Variants in MVD observed in about 807,000 individuals in gnomAD.
MVD encodes diphosphomevalonate decarboxylase.
Under a neutral mutation model 42.4 loss-of-function variants are expected in MVD, and 52 were observed. That is an observed-to-expected ratio of 1.23 (90% CI 0.98 to 1.55). The LOEUF is 1.55. Ranked by LOEUF, MVD falls within the 40% of genes most tolerant of loss-of-function variation. MVD has a pLI of 0.00. For missense variants in MVD, 663 were observed against 572.1 expected (o/e 1.16, Z -1.62); for synonymous variants, 287 against 243.2 (o/e 1.18, Z -1.68).
intron 5 of MVD, 156 bp from the exon 6 acceptor site, chr16:88,655,886 G>C: frequency 1.8e-6 from 2 of 1,105,282 alleles, no homozygotes; most frequent in Non-Finnish European, 2.5e-6. Flanking sequence ...GCCACAGCAG[G>C]GGTGACGCAG....
chr16:88,657,632 G>A (rs373394248), intron 3 of MVD, 50 bp from the exon 4 acceptor site: 61 of 1,591,950 alleles, frequency 3.8e-5, no homozygotes, highest in African/African-American at 3.7e-4. Flanking sequence ...CACCCTGCCC[G>A]CCCTGCTCCT....
rs759256589 is a variant in MVD, at chr16:88,657,542, C to T, written c.297G>A (p.Gly99=). ...AGCTGAGGCTGGAGGGCAGCGGGTCCCCATCCCGTGAGTTCCTCCGCTTCC... is the reference window on the plus strand; with the variant it reads ...AGCTGAGGCTGGAGGGCAGCGGGTCTCCATCCCGTGAGTTCCTCCGCTTCC... ...LARKRRNSRD[G]DPLPSSLSCK... The change falls in exon 4 of 10, where the codon GGG becomes GGA. Residue 99 remains glycine, a synonymous_variant. Transcript: ENST00000301012. The T allele has an allele frequency of 6.2e-7, 1 of 1,612,804 alleles. No homozygotes were observed. The highest frequency in any genetic ancestry group is 8.5e-7 in the Non-Finnish European group (1 of 1,179,916).
intron 1 of MVD, 196 bp downstream of exon 1, chr16:88,662,815 T>C (rs1399608586): frequency 4.1e-6 from 6 of 1,467,996 alleles, no homozygotes; most frequent in Non-Finnish European, 4.5e-6. Flanking sequence ...GGGGAACGGG[T>C]GGCGCCGAGC....
At position 88,653,194 on chromosome 16, in the gene MVD, G is replaced by A. The variant is rs79171831; in HGVS notation, c.1122+106C>T. The A allele has an allele frequency of 3.0e-3, 2,460 of 832,058 alleles. 39 individuals are homozygous for A. The African/African-American group carries it at 0.038, about 13-fold the overall frequency. 51.5% of individuals were successfully genotyped at this position (832,058 alleles called of 1,614,324 possible). ...CGTTCTGGCTTCCTGCCTGAGACACGGTAGGGACAGGGAGCCGCGCTTAGC... is the reference window on the plus strand; with the variant it reads ...CGTTCTGGCTTCCTGCCTGAGACACAGTAGGGACAGGGAGCCGCGCTTAGC... On this transcript the variant is annotated intron_variant, in intron 9 of 9. Coordinates refer to ENST00000301012, the MANE Select transcript of MVD (RefSeq NM_002461.3).
At chr16:88,658,112 T>A in intron 2 of MVD, 83 bp from the exon 3 acceptor site, 1 of 1,381,658 alleles carries the variant, frequency 7.2e-7, no homozygotes, top group Non-Finnish European at 1.0e-6. Flanking sequence ...TGAGAGAGCC[T>A]CATGGCTGCC....
At chr16:88,655,092 G>A (rs1015557581) in intron 7 of MVD, 107 bp downstream of exon 7, 1 of 1,306,536 alleles carries the variant, frequency 7.7e-7, no homozygotes, top group African/African-American at 1.5e-5. Context: ...GGAGCTTTCA[G>A]ACACAGATTG....
intron 1 of MVD, 56 bp downstream of exon 1, chr16:88,662,955 G>C: frequency 6.4e-7 from 1 of 1,561,086 alleles, no homozygotes; most frequent in East Asian, 2.4e-5. Flanking sequence ...CGCGACCCCC[G>C]CGTACCCGGC....
At chr16:88,658,746 C>A in intron 1 of MVD, 26 bp from the exon 2 acceptor site, 1 of 1,593,236 alleles carries the variant, frequency 6.3e-7, no homozygotes. Context: ...AGGGCCAGGC[C>A]GGTGGGCTTC....
At position 88,655,392 on chromosome 16, in the gene MVD, G is replaced by A. The variant is rs780429715; in HGVS notation, c.704C>T (p.Ala235Val). The change falls in exon 7 of 10, where the codon GCG becomes GTG. Residue 235 changes from alanine to valine, a missense_variant. Transcript: ENST00000301012. ...GCAGCGGGCCATCTCCGCCATGCGC[G>A]CGGGCACCACGGACTCGGCCCGGAA... ...LRFRAESVVP[A>V]RMAEMARCIR... 26 of 1,589,326 alleles carry A rather than the reference G, an allele frequency of 1.6e-5. No individual in the cohort carries two copies. The highest frequency in any genetic ancestry group is 1.6e-4 in the East Asian group (7 of 43,772).
intron 6 of MVD, 24 bp downstream of exon 6, chr16:88,655,632 G>A (rs748402883): frequency 1.2e-5 from 18 of 1,547,850 alleles, no homozygotes; most frequent in South Asian, 4.8e-5. Flanking sequence ...CCAGGGCCCC[G>A]GGACCACCCG....
intron 3 of MVD, 90 bp downstream of exon 3, chr16:88,657,825 T>G: frequency 7.1e-7 from 1 of 1,407,248 alleles, no homozygotes; most frequent in Non-Finnish European, 9.9e-7. Flanking sequence ...GCCTGCTGCC[T>G]CAGGAGGGGC....
At chr16:88,653,554 G>A (rs561659529) in intron 8 of MVD, 146 bp from the exon 9 acceptor site, 13 of 644,214 alleles carry the variant, frequency 2.0e-5, no homozygotes, top group Admixed American at 6.8e-5. Flanking sequence ...CTGCTGTGGG[G>A]ACAGGTTTCT....
Position 88,652,520 on chromosome 16 carries a change from G to C in MVD, c.*5C>G. The C allele has an allele frequency of 6.4e-7, 1 of 1,567,024 alleles. No homozygotes were observed. ...CCAAGCGGCATGCGGTCCCTGCTGA[G>C]GCAGTCAGGCAGCTGGCTTCGGCAG... On this transcript the variant is annotated 3_prime_UTR_variant, in exon 10 of 10. Transcript: ENST00000301012.
chr16:88,656,562 C>T, intron 4 of MVD: 2 of 570,866 alleles, frequency 3.5e-6, no homozygotes, highest in Non-Finnish European at 6.3e-6. Flanking sequence ...CAAAAGGTAC[C>T]TGCGGCAGAG....
At chr16:88,659,390 C>T (rs28491338) in intron 1 of MVD, 135,892 of 152,364 alleles carry the variant, frequency 0.89, 61,273 homozygotes, top group Non-Finnish European at 0.95. Flanking sequence ...TGAGCGGCCC[C>T]CCTTGCAGGC....
rs1453891096 is a variant in MVD at position 88,652,180 on chromosome 16, C to G, written c.*345G>C. On this transcript the variant is annotated 3_prime_UTR_variant, in exon 10 of 10. Coordinates refer to ENST00000301012, the MANE Select transcript of MVD (RefSeq NM_002461.3). ...CCCTGGTCCGCTGGAGGGACCACCTCCCCACTGAGCTCCTTTCTCAGAGAA... is the reference window on the plus strand; with the variant it reads ...CCCTGGTCCGCTGGAGGGACCACCTGCCCACTGAGCTCCTTTCTCAGAGAA... 1.3e-4 allele frequency: 57 copies of G among 424,410 alleles called. No individual in the cohort carries two copies. The highest frequency in any genetic ancestry group is 1.4e-4 in the Non-Finnish European group (33 of 228,370). The allele number at this position is 424,410 out of a possible 1,614,324, so 26.3% of individuals were successfully genotyped here.
At chr16:88,652,990 C>T (rs1217200862) in intron 9 of MVD, among the ~76,000 whole-genome samples, 1 of 151,950 alleles carries the variant, frequency 6.6e-6, no homozygotes, top group Non-Finnish European at 1.5e-5. Flanking sequence ...GTGGGGGGGT[C>T]CCAGGGACCC....
intron 3 of MVD, 159 bp downstream of exon 3, chr16:88,657,756 G>A: frequency 2.4e-6 from 3 of 1,240,166 alleles, no homozygotes; most frequent in South Asian, 1.4e-5. Flanking sequence ...TGGTCATTGA[G>A]GTGGGCCACT....
In MVD at chr16:88,654,685, C is replaced by A. The variant is rs202059541; in HGVS notation, c.1013+7G>T. ...CAAAAAGGAGGAGGGGCGGGGTCCA[C>A]ACTCACGTGTCTCCATTCGAGCCTG... is the stretch of plus-strand genomic sequence containing the variant. On this transcript the variant is annotated splice_region_variant and intron_variant, in intron 8 of 9. Transcript: ENST00000301012. 1,411 of 1,593,258 alleles carry A rather than the reference C, an allele frequency of 8.9e-4. 12 individuals are homozygous for A. Among genetic ancestry groups the A allele is most frequent in the South Asian group, 7.7e-3 (675 of 87,598 alleles).
Sources: allele counts gnomAD v4.1 joint callset (sites outside exome capture counted in the v4.1 genomes callset), GRCh38; gene constraint gnomAD v4.1.1; transcripts MANE v1.5; gene names NCBI Gene and HGNC (gene_info 2026-07-23, HGNC 2026-07-21).